Variants in PHACTR3 observed in about 807,000 individuals in gnomAD.
PHACTR3 encodes the protein protein phosphatase 1, regulatory subunit 123.
In PHACTR3, 16 loss-of-function variants were observed where a neutral mutation model predicts 66.8. The observed-to-expected ratio is 0.24, with a 90% confidence interval of 0.16 to 0.36. The LOEUF is 0.36. Among genes scored for constraint, PHACTR3 ranks in the 10% least tolerant of loss-of-function variants. The pLI is 1.00. For synonymous variants in PHACTR3, 323 were observed against 292.1 expected (o/e 1.11, Z -1.08); for missense variants, 647 against 719.9 (o/e 0.90, Z 1.16).
At chr20:59,670,614 G>GGC (rs1555810035) in intron 1 of PHACTR3, among the ~76,000 whole-genome samples, 3 of 130,962 alleles carry the variant, frequency 2.3e-5, no homozygotes, top group Admixed American at 7.9e-5. Context: ...GTGGGGGGGG[G>GGC]GGGCAGGCAC....
intron 9 of PHACTR3, among the ~76,000 whole-genome samples, chr20:59,839,545 T>C (rs1359555470): frequency 2.0e-5 from 3 of 152,176 alleles, no homozygotes; most frequent in Non-Finnish European, 4.4e-5. Flanking sequence ...GTCAGGGACA[T>C]AAGGCTTTAT....
At chr20:59,799,661 T>G (rs564571798) in intron 7 of PHACTR3, among the ~76,000 whole-genome samples, 1 of 152,262 alleles carries the variant, frequency 6.6e-6, no homozygotes, top group East Asian at 1.9e-4. Context: ...AATCTATTTG[T>G]AACTTTATAT....
At chr20:59,724,958 G>A (rs1034006952) in intron 1 of PHACTR3, among the ~76,000 whole-genome samples, 1 of 152,060 alleles carries the variant, frequency 6.6e-6, no homozygotes, top group Admixed American at 6.5e-5. Flanking sequence ...GAGCCTAGGT[G>A]TGCTCTGTGC....
At chr20:59,745,858 G>C (rs1188928468) in intron 2 of PHACTR3, among the ~76,000 whole-genome samples, 3 of 152,338 alleles carry the variant, frequency 2.0e-5, no homozygotes, top group African/African-American at 7.2e-5. Flanking sequence ...GGGGAGGGTA[G>C]AGCCTCGCAG....
At position 59,628,883 on chromosome 20, in the gene PHACTR3, T is replaced by C. The variant is rs949489823; in HGVS notation, c.118+23751T>C. On this transcript the variant is annotated intron_variant, in intron 1 of 12. Transcript: ENST00000371015. ...CACTTTCTAAACTTTTTTGAAATAA[T>C]TTTAGACTCACGTGGGGGTTGCAGA... 5 of 914,770 alleles carry C rather than the reference T, an allele frequency of 5.5e-6. No homozygotes were observed. The African/African-American group carries it at 7.2e-5, about 13-fold the overall frequency. 56.7% of individuals were successfully genotyped at this position (914,770 alleles called of 1,614,324 possible). A position where few individuals can be genotyped will look rare whatever the true frequency, so the allele number is the denominator to read the frequency against.
At position 59,605,092 on chromosome 20, in the gene PHACTR3, C is replaced by G; in HGVS notation, c.78C>G (p.Asp26Glu). The G allele has an allele frequency of 2.1e-6, 3 of 1,409,158 alleles. No homozygotes were observed. The highest frequency in any genetic ancestry group is 2.8e-6 in the Non-Finnish European group (3 of 1,074,810). The allele number at this position is 1,409,158 out of a possible 1,614,324, so 87.3% of individuals were successfully genotyped here. A position where few individuals can be genotyped will look rare whatever the true frequency, so the allele number is the denominator to read the frequency against. ...RSQSDPSVLT[D>E]SSATSSADAG... Reference sequence around the variant, plus strand: ...AGAGTGACCCCAGCGTCCTCACCGACTCCTCGGCCACCTCCTCCGCGGACG... The same window carrying G: ...AGAGTGACCCCAGCGTCCTCACCGAGTCCTCGGCCACCTCCTCCGCGGACG... Residue 26 changes from aspartate to glutamate, a missense_variant, in exon 1 of 13, where the codon GAC becomes GAG. This residue lies in a region of PHACTR3 where 577 missense variants were observed against 571.1 expected (regional missense o/e 1.01). Coordinates refer to ENST00000371015, the MANE Select transcript of PHACTR3 (RefSeq NM_080672.5).
chr20:59,623,781 G>GC (rs989540701), intron 1 of PHACTR3, among the ~76,000 whole-genome samples: 31 of 152,236 alleles, frequency 2.0e-4, no homozygotes, highest in African/African-American at 7.0e-4. Context: ...AACGGCTGGT[G>GC]CGTGGGGATG....
chr20:59,742,425 A>G (rs2039199403), intron 1 of PHACTR3, among the ~76,000 whole-genome samples: 1 of 152,150 alleles, frequency 6.6e-6, no homozygotes, highest in Non-Finnish European at 1.5e-5. Context: ...ATGGACAAGG[A>G]AGGGGTCCAG....
In PHACTR3 at chr20:59,743,183, C is replaced by G. The variant is rs780758860; in HGVS notation, c.195C>G (p.Asn65Lys). 2.8e-5 allele frequency: 45 copies of G among 1,613,924 alleles called. No homozygotes were observed. The highest frequency in any genetic ancestry group is 3.6e-5 in the Non-Finnish European group (43 of 1,179,982). ...TTCGAACTCCCCCTGTGAGGAGGAA[C>G]AGCAAACTGGCCACCCTGGGCAGGA... Reference protein sequence around the residue: ...SGIRTPPVRRNSKLATLGRIF... With the variant: ...SGIRTPPVRRKSKLATLGRIF... The change falls in exon 2 of 13, where the codon AAC (asparagine) becomes AAG (lysine). Residue 65 changes from asparagine to lysine, a missense_variant. Around this residue, in one of 2 missense-constraint regions of PHACTR3, gnomAD observed 577 missense variants for 571.1 expected, o/e 1.01. Coordinates refer to ENST00000371015, the MANE Select transcript of PHACTR3 (RefSeq NM_080672.5).
At chr20:59,786,431 C>T (rs1343862931) in intron 7 of PHACTR3, among the ~76,000 whole-genome samples, 1 of 152,234 alleles carries the variant, frequency 6.6e-6, no homozygotes, top group Admixed American at 6.5e-5. Context: ...GCTGCTGTGG[C>T]CTCCTGCTCC....
chr20:59,840,474 G>A, intron 10 of PHACTR3, 44 bp downstream of exon 10: 1 of 1,607,400 alleles, frequency 6.2e-7, no homozygotes. Context: ...AGGTGGTCTA[G>A]AGAACAGCTG....
At chr20:59,676,524 G>T (rs1392174520) in intron 1 of PHACTR3, 3 of 158,974 alleles carry the variant, frequency 1.9e-5, no homozygotes, top group Non-Finnish European at 4.0e-5. Context: ...TAATAATGGT[G>T]TTCAGCCCCA....
intron 11 of PHACTR3, 30 bp from the exon 12 acceptor site, chr20:59,845,159 G>A (rs2059127363): frequency 7.3e-7 from 1 of 1,372,308 alleles, no homozygotes; most frequent in Non-Finnish European, 1.0e-6. Flanking sequence ...TTAATATCCT[G>A]TAAAACAATG....
chr20:59,757,059 C>A (rs1456791677), intron 4 of PHACTR3, among the ~76,000 whole-genome samples: 1 of 152,242 alleles, frequency 6.6e-6, no homozygotes, highest in African/African-American at 2.4e-5. Context: ...TGAACAGACA[C>A]TTCTCAAAAG....
intron 7 of PHACTR3, among the ~76,000 whole-genome samples, chr20:59,791,351 T>A (rs1272248039): frequency 6.6e-6 from 1 of 152,198 alleles, no homozygotes; most frequent in Non-Finnish European, 1.5e-5. Context: ...TTCTGTTCAA[T>A]GTAAATTACC....
chr20:59,771,640 CCTT>C (rs963124567), intron 5 of PHACTR3, among the ~76,000 whole-genome samples: 43 of 152,062 alleles, frequency 2.8e-4, no homozygotes, highest in Admixed American at 2.8e-3. Flanking sequence ...CCTTCTGTCT[CCTT>C]CTCTATTCTA....
chr20:59,649,411 A>C (rs1296334988), intron 1 of PHACTR3, among the ~76,000 whole-genome samples: 4 of 152,242 alleles, frequency 2.6e-5, no homozygotes, highest in African/African-American at 9.6e-5. Context: ...CAAAGAGTTA[A>C]TTATAAATAG....
At chr20:59,591,846 T>C (rs910779482) in intron 1 of PHACTR3, among the ~76,000 whole-genome samples, 2 of 152,134 alleles carry the variant, frequency 1.3e-5, no homozygotes, top group African/African-American at 4.8e-5. Flanking sequence ...GTGATAGATA[T>C]ATATGGTAAA....
chr20:59,700,965 A>AC (rs1464626552), intron 1 of PHACTR3, among the ~76,000 whole-genome samples: 2 of 101,428 alleles, frequency 2.0e-5, no homozygotes, highest in Non-Finnish European at 3.7e-5. Context: ...AATTTTTAAA[A>AC]AAATTTTTTG....
Sources: allele counts gnomAD v4.1 joint callset (sites outside exome capture counted in the v4.1 genomes callset), GRCh38; gene constraint gnomAD v4.1.1; regional missense constraint gnomAD v4.1.1; transcripts MANE v1.5; gene names NCBI Gene and HGNC (gene_info 2026-07-23, HGNC 2026-07-21).